DMD: variants seen among roughly 807,000 people sequenced by gnomAD.
DMD encodes the protein mutant dystrophin.
Under a neutral mutation model 330.1 loss-of-function variants are expected in DMD, and 63 were observed. The ratio of observed to expected loss-of-function variants is 0.19; its 90% CI spans 0.16 to 0.24. DMD has a LOEUF of 0.24. Among genes scored for constraint, DMD ranks in the 10% least tolerant of loss-of-function variants. The pLI, the probability that DMD is intolerant of heterozygous loss-of-function variation, is 1.00. For synonymous variants in DMD, 1,223 were observed against 959.8 expected (o/e 1.27, Z -5.07); for missense variants, 3,344 against 2,684.1 (o/e 1.25, Z -5.43).
Position 32,463,522 on chromosome X carries a change from T to C in DMD, c.3349A>G (p.Asn1117Asp). ...GAAGCAAACTCTGGCTCTGCTTCATTCTTTATCTTCTGCCCACCTTCATTG... is the reference window on the plus strand; with the variant it reads ...GAAGCAAACTCTGGCTCTGCTTCATCCTTTATCTTCTGCCCACCTTCATTG... ...SVNEGGQKIK[N>D]EAEPEFASRL... The change falls in exon 25 of 79, where the codon AAT becomes GAT. Residue 1117 changes from asparagine to aspartate, a missense_variant. Transcript: ENST00000357033. The C allele has an allele frequency of 8.3e-7, 1 of 1,203,439 alleles. No individual in the cohort carries two copies. Among genetic ancestry groups the C allele is most frequent in the Non-Finnish European group, 1.1e-6 (1 of 890,574 alleles).
At chrX:31,703,370 C>CT (rs2083952171) in intron 52 of DMD, among the ~76,000 whole-genome samples, 1 of 112,315 alleles carries the variant, frequency 8.9e-6, no homozygotes, top group African/African-American at 3.2e-5. Context: ...TCACATTTGT[C>CT]TAAGTATTTC....
chrX:31,175,580 A>C (rs780908148), intron 71 of DMD, among the ~76,000 whole-genome samples: 1 of 111,063 alleles, frequency 9.0e-6, no homozygotes, highest in Non-Finnish European at 1.9e-5. Flanking sequence ...TTAAAAACCA[A>C]GAATTAGTGA....
chrX:32,806,540 CAG>C (rs768095765), intron 7 of DMD, among the ~76,000 whole-genome samples: 1 of 111,184 alleles, frequency 9.0e-6, no homozygotes, highest in African/African-American at 3.3e-5. Context: ...ATCAACGAGA[CAG>C]AAAATTAACA....
intron 44 of DMD, among the ~76,000 whole-genome samples, chrX:32,120,039 A>G (rs1406270736): frequency 1.8e-5 from 2 of 112,319 alleles, no homozygotes; most frequent in Non-Finnish European, 3.8e-5. Flanking sequence ...CCTATAGTTG[A>G]TAGTTGATAA....
chrX:32,197,652 T>A (rs2097012626), intron 44 of DMD, among the ~76,000 whole-genome samples: 1 of 112,075 alleles, frequency 8.9e-6, no homozygotes, highest in African/African-American at 3.2e-5. Context: ...CATGGTTTCA[T>A]ATGAAAAGTG....
intron 50 of DMD, among the ~76,000 whole-genome samples, chrX:31,784,338 G>A (rs761028405): frequency 6.3e-4 from 71 of 111,839 alleles, no homozygotes; most frequent in Non-Finnish European, 1.1e-3. Context: ...ATCATAAACA[G>A]AAAATAACAT....
chrX:32,287,727 T>TA (rs760903351), intron 42 of DMD, 26 bp from the exon 43 acceptor site: 3 of 1,063,812 alleles, frequency 2.8e-6, no homozygotes, highest in Non-Finnish European at 3.8e-6. Flanking sequence ...TTTAAAACAG[T>TA]AAAAAAATGA....
intron 55 of DMD, among the ~76,000 whole-genome samples, chrX:31,569,613 C>T (rs992444377): frequency 3.1e-5 from 3 of 98,238 alleles, no homozygotes; most frequent in Admixed American, 2.2e-4. Flanking sequence ...TATGTATATA[C>T]GTATATATAC....
In DMD at chrX:32,051,013, T is replaced by C. The variant is rs188938553; in HGVS notation, c.6439-82499A>G. Among the ~76,000 whole-genome samples the C allele has an allele frequency of 6.0e-3, 567 of 95,201 alleles. 3 individuals are homozygous for C. Among genetic ancestry groups the C allele is most frequent in the African/African-American group, 0.023 (534 of 23,349 alleles). The allele number at this position is 95,201 out of a possible 115,157, so 82.7% of individuals were successfully genotyped here. On this transcript the variant is annotated intron_variant, in intron 44 of 78. Coordinates refer to ENST00000357033, the MANE Select transcript of DMD (RefSeq NM_004006.3). Reference sequence around the variant, plus strand: ...CCCCCTAATAGAGACAGGCTCTCACTGTGTTGCCCAGGCTGGTTTTGAACT... The same window carrying C: ...CCCCCTAATAGAGACAGGCTCTCACCGTGTTGCCCAGGCTGGTTTTGAACT...
At chrX:33,236,141 C>T (rs750262777) in intron 1 of DMD, among the ~76,000 whole-genome samples, 1 of 107,990 alleles carries the variant, frequency 9.3e-6, no homozygotes, top group African/African-American at 3.4e-5. Flanking sequence ...TGGTCTCGAT[C>T]TCATGACCTC....
chrX:31,381,881 C>T (rs950041773), intron 60 of DMD, among the ~76,000 whole-genome samples: 5 of 111,757 alleles, frequency 4.5e-5, no homozygotes, highest in Non-Finnish European at 9.4e-5. Context: ...CAGGCCCCCT[C>T]CCTTCCCCAC....
At chrX:32,859,450 G>A (rs775176908) in intron 2 of DMD, among the ~76,000 whole-genome samples, 7 of 90,568 alleles carry the variant, frequency 7.7e-5, no homozygotes, top group Admixed American at 4.0e-4. Flanking sequence ...CCTTTGTGAC[G>A]AAGCAAGATC....
At chrX:32,291,667 C>G (rs138972276) in intron 42 of DMD, among the ~76,000 whole-genome samples, 8 of 111,735 alleles carry the variant, frequency 7.2e-5, no homozygotes, top group African/African-American at 2.6e-4. Context: ...GGATTTCAGA[C>G]AGATGAAGAG....
chrX:32,367,558 T>C (rs779419701), intron 34 of DMD, among the ~76,000 whole-genome samples: 13 of 112,193 alleles, frequency 1.2e-4, no homozygotes, highest in Non-Finnish European at 2.1e-4. Context: ...TGACAAGCAA[T>C]GCAATTAAAG....
intron 1 of DMD, among the ~76,000 whole-genome samples, chrX:33,038,613 G>C (rs781272509): frequency 1.8e-5 from 2 of 111,988 alleles, no homozygotes; most frequent in South Asian, 3.8e-4. Context: ...CTTTGTGTGA[G>C]AGCATTTTTG....
chrX:31,334,599 T>C (rs959118808), intron 61 of DMD, among the ~76,000 whole-genome samples: 2 of 111,753 alleles, frequency 1.8e-5, no homozygotes, highest in Non-Finnish European at 3.8e-5. Context: ...TTTATCTTCA[T>C]ATTTCAGGTG....
chrX:32,631,878 A>C (rs754169857), intron 11 of DMD, among the ~76,000 whole-genome samples: 2 of 111,235 alleles, frequency 1.8e-5, no homozygotes, highest in Non-Finnish European at 3.8e-5. Flanking sequence ...GGGCAAGAAC[A>C]TACATCCAAA....
chrX:32,522,287 T>G (rs1425440057), intron 17 of DMD, among the ~76,000 whole-genome samples: 1 of 112,047 alleles, frequency 8.9e-6, no homozygotes, highest in African/African-American at 3.2e-5. Flanking sequence ...GCAATAGCTT[T>G]TCACTTGGCC....
intron 52 of DMD, among the ~76,000 whole-genome samples, chrX:31,703,752 A>G (rs1268372732): frequency 8.9e-6 from 1 of 111,901 alleles, no homozygotes; most frequent in Non-Finnish European, 1.9e-5. Context: ...GGGGAAGATG[A>G]GGAAATGAAT....
Sources: gnomAD v4.1 joint callset for allele counts (sites outside exome capture counted in the v4.1 genomes callset) on GRCh38, gnomAD v4.1.1 for gene constraint, MANE v1.5 for transcripts, NCBI Gene and HGNC (gene_info 2026-07-23, HGNC 2026-07-21) for gene names.